GLI3: variants seen among roughly 807,000 people sequenced by gnomAD.
GLI3 encodes the protein GLI family zinc finger 3.
GLI3 carries 20 observed loss-of-function variants against 100.8 expected under a neutral mutation model. That is an observed-to-expected ratio of 0.20 (90% confidence interval 0.14 to 0.29). The LOEUF is 0.29. GLI3 is among the 10% of genes least tolerant of loss of function. The probability of loss-of-function intolerance (pLI) is 1.00; values close to 1 mark genes in which losing one functional copy is unlikely to be tolerated. For synonymous variants in GLI3, 938 were observed against 860.5 expected (o/e 1.09, Z -1.58); for missense variants, 2,040 against 2,128.5 (o/e 0.96, Z 0.82).
intron 1 of GLI3, among the ~76,000 whole-genome samples, chr7:42,262,048 T>G (rs1789147680): frequency 1.3e-5 from 2 of 151,258 alleles, no homozygotes; most frequent in African/African-American, 4.9e-5. Context: ...CTTTCTTTCT[T>G]TTTTCTTTCC....
chr7:42,026,554 A>G (rs904750416), intron 7 of GLI3, 142 bp from the exon 8 acceptor site: 2 of 724,256 alleles, frequency 2.8e-6, no homozygotes, highest in East Asian at 2.7e-5. Flanking sequence ...ATTGCCAAGC[A>G]TCTTGAAAAC....
At chr7:42,116,988 C>G (rs1307659813) in intron 3 of GLI3, among the ~76,000 whole-genome samples, 1 of 152,210 alleles carries the variant, frequency 6.6e-6, no homozygotes, top group African/African-American at 2.4e-5. Context: ...GTGAACTAAA[C>G]AGTGTCTTTC....
At chr7:42,148,499 T>TA (rs1470475854) in intron 2 of GLI3, 31 bp from the exon 3 acceptor site, 1 of 1,596,994 alleles carries the variant, frequency 6.3e-7, no homozygotes. Flanking sequence ...AAAGACTCTG[T>TA]AAACTACTTT....
intron 13 of GLI3, among the ~76,000 whole-genome samples, chr7:41,969,661 C>T (rs1471832340): frequency 1.3e-5 from 2 of 152,214 alleles, no homozygotes; most frequent in Non-Finnish European, 2.9e-5. Context: ...CCTGGACTGT[C>T]AAATCAGAGT....
At chr7:42,123,378 A>G (rs1786048689) in intron 3 of GLI3, among the ~76,000 whole-genome samples, 1 of 152,216 alleles carries the variant, frequency 6.6e-6, no homozygotes, top group Admixed American at 6.5e-5. Context: ...AGCAAATGAG[A>G]GCAGTTTCAT....
chr7:42,148,490 AAG>A (rs1193128382), intron 2 of GLI3, 22 bp from the exon 3 acceptor site: 2 of 1,607,588 alleles, frequency 1.2e-6, no homozygotes, highest in African/African-American at 2.7e-5. Context: ...AGAAAAATGA[AAG>A]ACTCTGTAAA....
intron 10 of GLI3, among the ~76,000 whole-genome samples, chr7:42,018,704 A>C (rs1175196164): frequency 6.6e-6 from 1 of 152,222 alleles, no homozygotes; most frequent in African/African-American, 2.4e-5. Context: ...TCTTCTGATA[A>C]AGGAAACTTC....
intron 1 of GLI3, among the ~76,000 whole-genome samples, chr7:42,223,583 T>C (rs577366121): frequency 9.8e-5 from 15 of 152,310 alleles, no homozygotes; most frequent in Middle Eastern, 3.4e-3. Context: ...AAAATCTCAA[T>C]TTGCAACTGT....
intron 13 of GLI3, 136 bp from the exon 14 acceptor site, chr7:41,968,059 T>C: frequency 2.5e-6 from 2 of 805,082 alleles, no homozygotes; most frequent in Middle Eastern, 6.8e-4. Context: ...TATGTTCTGG[T>C]GAATGGAGCT....
chr7:42,197,010 T>C (rs964456888), intron 2 of GLI3, among the ~76,000 whole-genome samples: 6 of 152,208 alleles, frequency 3.9e-5, no homozygotes, highest in Non-Finnish European at 7.3e-5. Context: ...AGAAGTTTTA[T>C]CCTCTGGATT....
In GLI3 at chr7:42,225,667, G is replaced by A. The variant is rs143153071; in HGVS notation, c.-42-2372C>T. 4.2e-3 allele frequency among the ~76,000 whole-genome samples: 640 copies of A among 152,286 alleles called. 8 individuals are homozygous for A. Among genetic ancestry groups the A allele is most frequent in the African/African-American group, 0.015 (611 of 41,558 alleles). On this transcript the variant is annotated intron_variant, in intron 1 of 14. Coordinates refer to ENST00000395925, the MANE Select transcript of GLI3 (RefSeq NM_000168.6). ...TGAGCCTTGAACAACTGTTCTACAC[G>A]TTTATTTTTGCTCACTGCTGTATAC...
At chr7:42,118,824 C>T (rs969013330) in intron 3 of GLI3, among the ~76,000 whole-genome samples, 6 of 152,184 alleles carry the variant, frequency 3.9e-5, no homozygotes, top group African/African-American at 1.4e-4. Flanking sequence ...GAGCTCCTAA[C>T]GTACATGGGA....
chr7:42,086,769 G>C (rs1174470260), intron 3 of GLI3, among the ~76,000 whole-genome samples: 1 of 152,160 alleles, frequency 6.6e-6, no homozygotes, highest in Non-Finnish European at 1.5e-5. Flanking sequence ...AGGTTGGCCA[G>C]AACCAGTAGG....
At chr7:42,228,363 G>A (rs567669622) in intron 1 of GLI3, among the ~76,000 whole-genome samples, 3 of 152,344 alleles carry the variant, frequency 2.0e-5, no homozygotes, top group African/African-American at 7.2e-5. Flanking sequence ...GCCAGGCCGC[G>A]GGAAAAGTGA....
At chr7:42,105,942 C>A (rs1362222636) in intron 3 of GLI3, among the ~76,000 whole-genome samples, 1 of 152,178 alleles carries the variant, frequency 6.6e-6, no homozygotes, top group Non-Finnish European at 1.5e-5. Context: ...GACACCCCAC[C>A]AGGAAATCAA....
At position 41,965,730 on chromosome 7, in the gene GLI3, C is replaced by A. The variant is rs552755211; in HGVS notation, c.3343G>T (p.Ala1115Ser). The A allele has an allele frequency of 3.1e-6, 5 of 1,613,592 alleles. No individual in the cohort carries two copies. Among genetic ancestry groups the A allele is most frequent in the South Asian group, 2.2e-5 (2 of 91,074 alleles). The change falls in exon 15 of 15, where the codon GCC becomes TCC. Residue 1115 changes from alanine to serine, a missense_variant. Coordinates refer to ENST00000395925, the MANE Select transcript of GLI3 (RefSeq NM_000168.6). ...GGCACTTTGCTGTCGTCCGGGAGGG[C>A]GCTGGGGAAGTGCTGCTCGTACCCT... is the stretch of plus-strand genomic sequence containing the variant. ...QAGYEQHFPS[A>S]LPDDSKVPHG...
At chr7:42,204,340 C>A (rs1788106725) in intron 2 of GLI3, among the ~76,000 whole-genome samples, 1 of 152,080 alleles carries the variant, frequency 6.6e-6, no homozygotes, top group African/African-American at 2.4e-5. Flanking sequence ...TCTCAACTTA[C>A]AATGCCTTTC....
chr7:42,228,394 T>G (rs1562793878), intron 1 of GLI3, among the ~76,000 whole-genome samples: 1 of 151,928 alleles, frequency 6.6e-6, no homozygotes, highest in East Asian at 1.9e-4. Flanking sequence ...GGGGGCCATG[T>G]GGGGGTGGGG....
chr7:42,039,243 C>T (rs1209961562), intron 7 of GLI3, among the ~76,000 whole-genome samples: 1 of 152,168 alleles, frequency 6.6e-6, no homozygotes, highest in African/African-American at 2.4e-5. Flanking sequence ...CATATGTTGG[C>T]TTACTTTTAT....
Sources: gnomAD v4.1 joint callset for allele counts (sites outside exome capture counted in the v4.1 genomes callset) on GRCh38, gnomAD v4.1.1 for gene constraint, MANE v1.5 for transcripts, NCBI Gene and HGNC (gene_info 2026-07-23, HGNC 2026-07-21) for gene names.